The following TEC variants were observed in gnomAD, a reference collection of about 807,000 sequenced individuals.
TEC encodes tec protein tyrosine kinase, also known as tyrosine-protein kinase Tec.
A neutral mutation model predicts 93.0 loss-of-function variants in TEC; 72 were observed. The ratio of observed to expected loss-of-function variants is 0.77; its 90% CI spans 0.64 to 0.94. The LOEUF (loss-of-function observed/expected upper bound fraction) is 0.94, where lower values mean the gene tolerates loss of function less well. Among genes scored for constraint, TEC ranks in the 40% least tolerant of loss-of-function variants. TEC has a pLI of 0.00. For synonymous variants in TEC, 249 were observed against 247.7 expected, an observed-to-expected ratio of 1.01 and a Z score of -0.05; for missense variants, 630 against 757.9, an observed-to-expected ratio of 0.83 and a Z score of 1.98.
chr4:48,218,799 G>A (rs906204315), intron 2 of TEC, among the ~76,000 whole-genome samples: 2 of 152,148 alleles, frequency 1.3e-5, no homozygotes, highest in African/African-American at 2.4e-5. Flanking sequence ...AGATTTCCCA[G>A]GGTGTTTGAG....
chr4:48,224,746 G>A (rs991721430), intron 2 of TEC, among the ~76,000 whole-genome samples: 2 of 152,150 alleles, frequency 1.3e-5, no homozygotes, highest in Admixed American at 6.5e-5. Context: ...TGAATTTCTC[G>A]TTATCTAGAA....
intron 17 of TEC, 97 bp downstream of exon 17, chr4:48,138,568 A>G: frequency 7.2e-7 from 1 of 1,383,372 alleles, no homozygotes; most frequent in Non-Finnish European, 9.8e-7. Context: ...CACTATAAAG[A>G]TGCACCACCT....
At chr4:48,179,368 ATATATATATTT>A (rs1249086998) in intron 2 of TEC, among the ~76,000 whole-genome samples, 10 of 37,652 alleles carry the variant, frequency 2.7e-4, no homozygotes, top group South Asian at 3.6e-3. Flanking sequence ...ATATATATAT[ATATATATATTT>A]TTTTTTTTTT....
chr4:48,145,951 T>A (rs946681480), intron 12 of TEC, among the ~76,000 whole-genome samples: 3 of 152,214 alleles, frequency 2.0e-5, no homozygotes. Context: ...ATAATCTAAT[T>A]TGCTGTTTTA....
chr4:48,199,455 C>CTTTTTTTTTTTTTT lies in TEC; in HGVS notation c.139-23283_139-23270dup, dbSNP rs34965891. 8.2e-4 allele frequency among the ~76,000 whole-genome samples: 55 copies of CTTTTTTTTTTTTTT among 67,362 alleles called. 6 individuals carry two copies. The highest frequency in any genetic ancestry group is 2.4e-3 in the East Asian group (5 of 2,096). 44.2% of individuals were successfully genotyped at this position (67,362 alleles called of 152,430 possible). A position where few individuals can be genotyped will look rare whatever the true frequency, so the allele number is the denominator to read the frequency against. ...CTGGGCTACAGAAAGGATTTTCTTTCTTTTTTTTTTTTTTTTTTTTTTTTT... is the reference window on the plus strand; with the variant it reads ...CTGGGCTACAGAAAGGATTTTCTTTCTTTTTTTTTTTTTTTTTTTTTTTTTTTTTTTTTTTTTTT... On this transcript the variant is annotated intron_variant, in intron 2 of 17. Transcript: ENST00000381501.
intron 7 of TEC, among the ~76,000 whole-genome samples, chr4:48,165,506 G>C (rs1467940694): frequency 6.6e-6 from 1 of 152,084 alleles, no homozygotes; most frequent in Non-Finnish European, 1.5e-5. Context: ...CAAATCATCA[G>C]GGTAAATACC....
chr4:48,139,804 T>C (rs1233620510), intron 15 of TEC, among the ~76,000 whole-genome samples: 6 of 152,248 alleles, frequency 3.9e-5, no homozygotes, highest in African/African-American at 1.2e-4. Flanking sequence ...CATTAATTTC[T>C]AAAAGGTTCC....
At chr4:48,238,672 A>ACG (rs1723849948) in intron 1 of TEC, among the ~76,000 whole-genome samples, 2 of 150,008 alleles carry the variant, frequency 1.3e-5, no homozygotes, top group African/African-American at 4.9e-5. Context: ...ATATAAATTT[A>ACG]TGTAAATTTA....
At chr4:48,253,984 C>T (rs764768843) in intron 1 of TEC, among the ~76,000 whole-genome samples, 3 of 152,108 alleles carry the variant, frequency 2.0e-5, no homozygotes, top group African/African-American at 2.4e-5. Context: ...TGTATCTGCT[C>T]GAGTTGTTCT....
intron 3 of TEC, among the ~76,000 whole-genome samples, chr4:48,174,187 T>C (rs1721230018): frequency 6.6e-6 from 1 of 152,218 alleles, no homozygotes; most frequent in Non-Finnish European, 1.5e-5. Context: ...ACAATTTTAG[T>C]AGTTCAGGGA....
intron 1 of TEC, among the ~76,000 whole-genome samples, chr4:48,231,894 A>C (rs1723657193): frequency 6.6e-6 from 1 of 152,248 alleles, no homozygotes; most frequent in African/African-American, 2.4e-5. Context: ...TGGAAGGCCC[A>C]AAGGATAAAT....
intron 7 of TEC, among the ~76,000 whole-genome samples, chr4:48,165,468 C>G (rs959285840): frequency 6.6e-6 from 1 of 152,088 alleles, no homozygotes; most frequent in Non-Finnish European, 1.5e-5. Flanking sequence ...GAAATAATGA[C>G]TCTAAGAAAG....
At chr4:48,264,309 T>C (rs1035081781) in intron 1 of TEC, among the ~76,000 whole-genome samples, 9 of 152,204 alleles carry the variant, frequency 5.9e-5, no homozygotes, top group African/African-American at 2.2e-4. Flanking sequence ...CTCTGGCCAC[T>C]CCAACCAGTT....
At chr4:48,245,285 C>T (rs1724025238) in intron 1 of TEC, among the ~76,000 whole-genome samples, 1 of 127,106 alleles carries the variant, frequency 7.9e-6, no homozygotes, top group South Asian at 2.5e-4. Context: ...CAACGAGAGT[C>T]CTTCTCCAGG....
At chr4:48,144,076 C>A (rs1057355398) in intron 14 of TEC, among the ~76,000 whole-genome samples, 2 of 151,960 alleles carry the variant, frequency 1.3e-5, no homozygotes. Context: ...ATTAGCCAGG[C>A]ATGGTGGCAC....
intron 2 of TEC, among the ~76,000 whole-genome samples, chr4:48,207,371 C>T (rs1722748299): frequency 6.6e-6 from 1 of 152,182 alleles, no homozygotes; most frequent in Admixed American, 6.5e-5. Context: ...TAACTACAAA[C>T]CCTGTGTGTC....
chr4:48,171,261 T>A, intron 4 of TEC, 107 bp downstream of exon 4: 1 of 841,474 alleles, frequency 1.2e-6, no homozygotes. Flanking sequence ...TACTGTAGAT[T>A]AAGAGATTAC....
At position 48,156,571 on chromosome 4, in the gene TEC, C is replaced by G. The variant is rs937025754; in HGVS notation, c.792+109G>C. 58 of 936,706 alleles carry G rather than the reference C, an allele frequency of 6.2e-5. No homozygotes were observed. The African/African-American group carries it at 9.2e-4, about 15-fold the overall frequency. 58.0% of individuals were successfully genotyped at this position (936,706 alleles called of 1,614,324 possible). ...GCCTCTGGGAATAGTTTTGCATAGACTTGCTCACTGCTGAACACATTTAGA... is the reference window on the plus strand; with the variant it reads ...GCCTCTGGGAATAGTTTTGCATAGAGTTGCTCACTGCTGAACACATTTAGA... On this transcript the variant is annotated intron_variant, in intron 9 of 17. Coordinates refer to ENST00000381501, the MANE Select transcript of TEC (RefSeq NM_003215.3).
In TEC at chr4:48,156,685, T is replaced by C. The variant is rs200509274; in HGVS notation, c.787A>G (p.Ser263Gly). ...CCACAAGTACAAACACTTACTTCAC[T>C]GCGGAGGAGTTGCTCTGCCTTGCTT... Reference protein sequence around the residue: ...NRSKAEQLLRSEDKEGGFMVR... With the variant: ...NRSKAEQLLRGEDKEGGFMVR... The change falls in exon 9 of 18, where the codon AGT becomes GGT. Residue 263 changes from serine to glycine, a missense_variant. By Grantham distance (56) the Ser-to-Gly change is moderately conservative (BLOSUM62 0). Transcript: ENST00000381501. 6 of 1,611,478 alleles carry C rather than the reference T, an allele frequency of 3.7e-6. No individual in the cohort carries two copies. The Admixed American group carries it at 1.0e-4, about 27-fold the overall frequency.
Sources: allele counts gnomAD v4.1 joint callset (sites outside exome capture counted in the v4.1 genomes callset), GRCh38; gene constraint gnomAD v4.1.1; transcripts MANE v1.5; gene names NCBI Gene and HGNC (gene_info 2026-07-23, HGNC 2026-07-21).